The following TUNAR variants were observed in gnomAD, a reference collection of about 807,000 sequenced individuals.
TUNAR encodes transmembrane neural differentiation associated intracellular calcium regulator.
At chr14:95,920,474 T>C (rs897822129) in intron 2 of TUNAR, among the ~76,000 whole-genome samples, 1 of 152,168 alleles carries the variant, frequency 6.6e-6, no homozygotes, top group African/African-American at 2.4e-5. Flanking sequence ...CTAGCTGAGC[T>C]GTGGGAGTAG....
intron 2 of TUNAR, among the ~76,000 whole-genome samples, chr14:95,905,161 C>T (rs931044830): frequency 2.0e-5 from 3 of 152,168 alleles, no homozygotes; most frequent in Middle Eastern, 3.2e-3. Context: ...AAGTCATTTC[C>T]GCACCCAGTG....
At chr14:95,916,075 A>C (rs1371916763) in intron 2 of TUNAR, among the ~76,000 whole-genome samples, 2 of 152,238 alleles carry the variant, frequency 1.3e-5, no homozygotes, top group African/African-American at 4.8e-5. Flanking sequence ...TATGCAGTTA[A>C]CTAGTAAGTA....
At chr14:95,920,650 T>C (rs938436195) in intron 2 of TUNAR, among the ~76,000 whole-genome samples, 7 of 152,200 alleles carry the variant, frequency 4.6e-5, no homozygotes, top group Non-Finnish European at 8.8e-5. Context: ...TCACATGTCC[T>C]GTCCTCCGGA....
intron 2 of TUNAR, among the ~76,000 whole-genome samples, chr14:95,916,302 A>T (rs1439258394): frequency 6.6e-6 from 1 of 152,142 alleles, no homozygotes; most frequent in Non-Finnish European, 1.5e-5. Flanking sequence ...TTGTGTTTTT[A>T]TCACACTTGT....
At position 95,901,013 on chromosome 14, in the gene TUNAR, C is replaced by T. The variant is rs552947199; in HGVS notation, c.13-21768C>T. The stretch of plus-strand genomic sequence containing the variant: ...TGTGCCCTTTACCTATTTTTAGGAG[C>T]GTATTTTTCCCTGCTTTTTAGTTTC... On this transcript the variant is annotated intron_variant, in intron 2 of 2. Coordinates refer to ENST00000678517, the Ensembl canonical transcript of TUNAR. Among the ~76,000 whole-genome samples the T allele has an allele frequency of 7.9e-5, 12 of 152,220 alleles. No individual in the cohort carries two copies. In the East Asian group the frequency reaches 1.9e-3, roughly 24 times the overall value.
chr14:95,921,672 C>G (rs888760269), intron 2 of TUNAR, among the ~76,000 whole-genome samples: 1 of 152,190 alleles, frequency 6.6e-6, no homozygotes, highest in Non-Finnish European at 1.5e-5. Context: ...CTCATGGCAG[C>G]CTGCTCCACT....
intron 2 of TUNAR, among the ~76,000 whole-genome samples, chr14:95,894,172 C>T (rs1360370855): frequency 1.3e-5 from 2 of 152,182 alleles, no homozygotes; most frequent in East Asian, 1.9e-4. Context: ...ATTAAGGTCC[C>T]GTGGGATGTT....
At chr14:95,894,897 C>T (rs1049002516) in intron 2 of TUNAR, among the ~76,000 whole-genome samples, 1 of 152,208 alleles carries the variant, frequency 6.6e-6, no homozygotes, top group African/African-American at 2.4e-5. Context: ...CCACAGGTGG[C>T]TTCCTCTTGG....
intron 2 of TUNAR, among the ~76,000 whole-genome samples, chr14:95,880,961 T>C (rs1323768309): frequency 1.3e-5 from 2 of 152,242 alleles, no homozygotes; most frequent in African/African-American, 4.8e-5. Context: ...GTGTCTTTCT[T>C]AGTCTCTAAT....
At chr14:95,924,365 T>C (rs1889749937) in exon 3 of TUNAR, 1 of 152,310 alleles carries the variant, frequency 6.6e-6, no homozygotes, top group African/African-American at 2.4e-5. Context: ...CTGGCAGGGA[T>C]GGTTGCATAA....
At chr14:95,918,435 C>A (rs1162681201) in intron 2 of TUNAR, among the ~76,000 whole-genome samples, 1 of 152,228 alleles carries the variant, frequency 6.6e-6, no homozygotes, top group Non-Finnish European at 1.5e-5. Context: ...GGCCAGACAA[C>A]TTTTTCCAAA....
intron 2 of TUNAR, among the ~76,000 whole-genome samples, chr14:95,900,733 G>A (rs909868069): frequency 2.0e-5 from 3 of 152,190 alleles, no homozygotes; most frequent in Non-Finnish European, 4.4e-5. Flanking sequence ...GCCTTGGAGC[G>A]CATACTAGTT....
chr14:95,886,044 G>A (rs1034773558), intron 2 of TUNAR, among the ~76,000 whole-genome samples: 3 of 152,330 alleles, frequency 2.0e-5, no homozygotes, highest in African/African-American at 7.2e-5. Flanking sequence ...AGCCATCGTG[G>A]ACTCTAGCCA....
At chr14:95,897,748 C>T (rs189581056) in intron 2 of TUNAR, among the ~76,000 whole-genome samples, 69 of 152,314 alleles carry the variant, frequency 4.5e-4, no homozygotes, top group Non-Finnish European at 4.4e-5. Flanking sequence ...GGTTCTCCCG[C>T]CTACACAATG....
At chr14:95,910,589 C>T (rs917417262) in intron 2 of TUNAR, among the ~76,000 whole-genome samples, 2 of 152,234 alleles carry the variant, frequency 1.3e-5, no homozygotes, top group African/African-American at 4.8e-5. Flanking sequence ...TGTGAACCTT[C>T]GTTGATCAGA....
At chr14:95,908,334 A>G (rs892978554) in intron 2 of TUNAR, among the ~76,000 whole-genome samples, 2 of 152,218 alleles carry the variant, frequency 1.3e-5, no homozygotes. Context: ...AGCTGCACCC[A>G]GTGGGGTGGG....
intron 2 of TUNAR, among the ~76,000 whole-genome samples, chr14:95,892,228 C>T (rs867692285): frequency 2.6e-5 from 4 of 152,194 alleles, no homozygotes; most frequent in Admixed American, 6.5e-5. Flanking sequence ...TTCTCCCATC[C>T]GTGGGTTCTC....
At chr14:95,891,205 C>T (rs1889175013) in intron 2 of TUNAR, among the ~76,000 whole-genome samples, 1 of 152,218 alleles carries the variant, frequency 6.6e-6, no homozygotes, top group Admixed American at 6.5e-5. Context: ...GAAAGTGCAT[C>T]CCCATTCGGA....
chr14:95,879,276 G>A (rs543972450), intron 2 of TUNAR, among the ~76,000 whole-genome samples: 28 of 152,214 alleles, frequency 1.8e-4, no homozygotes, highest in Middle Eastern at 3.4e-3. Flanking sequence ...CCAGAAACTC[G>A]GCTCTCAGCG....
Sources: allele counts gnomAD v4.1 joint callset (sites outside exome capture counted in the v4.1 genomes callset), GRCh38; gene constraint gnomAD v4.1.1; transcripts MANE v1.5; gene names NCBI Gene and HGNC (gene_info 2026-07-23, HGNC 2026-07-21).